AFG2A: variants seen among roughly 807,000 people sequenced by gnomAD.
AFG2A encodes AAA ATPase AFG2A, also known as ATPase family gene 2 protein homolog A.
At chr4:123,075,976 CA>C in the AFG2A span, among the ~76,000 whole-genome samples, 88,672 of 134,922 alleles carry the variant, frequency 0.66, 27,259 homozygotes, top group Non-Finnish European at 0.69. Context: ...ACAACAACAA[CA>C]AAAAAAAAAA....
the AFG2A span, among the ~76,000 whole-genome samples, chr4:122,931,446 C>T: frequency 0.77 from 117,349 of 151,894 alleles, 48,110 homozygotes; most frequent in East Asian, 0.96. Context: ...GAGGGAAATA[C>T]GTATGTGTGT....
At chr4:123,157,206 T>TAG in the AFG2A span, among the ~76,000 whole-genome samples, 2 of 151,602 alleles carry the variant, frequency 1.3e-5, no homozygotes, top group African/African-American at 4.8e-5. Context: ...TTTTTTTAAG[T>TAG]AGAGACAGGG....
At chr4:123,297,517 C>T in the AFG2A span, among the ~76,000 whole-genome samples, 2 of 152,024 alleles carry the variant, frequency 1.3e-5, no homozygotes, top group East Asian at 1.9e-4. Context: ...GTCAGGAGAT[C>T]GAGACCATCC....
chr4:123,243,328 T>C, the AFG2A span, among the ~76,000 whole-genome samples: 1 of 152,102 alleles, frequency 6.6e-6, no homozygotes, highest in Non-Finnish European at 1.5e-5. Context: ...TTCACGATAG[T>C]AAAGACTTGG....
chr4:123,038,803 A>AT, the AFG2A span, among the ~76,000 whole-genome samples: 1 of 151,842 alleles, frequency 6.6e-6, no homozygotes, highest in Non-Finnish European at 1.5e-5. Flanking sequence ...AAATGTCTTA[A>AT]TTTTTTTTCT....
chr4:123,071,412 G>A, the AFG2A span, among the ~76,000 whole-genome samples: 12 of 152,062 alleles, frequency 7.9e-5, no homozygotes, highest in Middle Eastern at 3.4e-3. Context: ...CCCAGGAGGC[G>A]GAGGTTGCGA....
chr4:123,115,221 G>A, the AFG2A span, among the ~76,000 whole-genome samples: 1 of 151,930 alleles, frequency 6.6e-6, no homozygotes, highest in Admixed American at 6.5e-5. Flanking sequence ...GCTCCTCCTC[G>A]CACAGCTTGA....
At chr4:123,221,793 G>A in the AFG2A span, among the ~76,000 whole-genome samples, 2 of 151,950 alleles carry the variant, frequency 1.3e-5, no homozygotes, top group Admixed American at 6.5e-5. Flanking sequence ...CAGGCATAGT[G>A]GCACGTGCTT....
At chr4:123,084,476 T>C in the AFG2A span, among the ~76,000 whole-genome samples, 2 of 151,786 alleles carry the variant, frequency 1.3e-5, no homozygotes, top group Non-Finnish European at 2.9e-5. Flanking sequence ...CAAATTTTGA[T>C]AAGTTCTATT....
At chr4:123,141,522 G>A in the AFG2A span, among the ~76,000 whole-genome samples, 3 of 152,158 alleles carry the variant, frequency 2.0e-5, no homozygotes, top group Non-Finnish European at 4.4e-5. Flanking sequence ...GTACTGTGTT[G>A]CCAGATTTGT....
At chr4:123,256,158 C>T in the AFG2A span, 5 of 1,613,978 alleles carry the variant, frequency 3.1e-6, no homozygotes, top group African/African-American at 6.7e-5. Flanking sequence ...ATCCTTCAAA[C>T]CGACGCATAC....
chr4:123,225,324 T>C, the AFG2A span, among the ~76,000 whole-genome samples: 1 of 152,232 alleles, frequency 6.6e-6, no homozygotes, highest in African/African-American at 2.4e-5. Context: ...GGTTTTCCTC[T>C]AGGGTTTTTA....
chr4:123,131,571 G>A, the AFG2A span, among the ~76,000 whole-genome samples: 1 of 152,022 alleles, frequency 6.6e-6, no homozygotes, highest in African/African-American at 2.4e-5. Context: ...TCATATAAGT[G>A]GAATTGTGCA....
the AFG2A span, among the ~76,000 whole-genome samples, chr4:122,925,302 C>T: frequency 6.6e-6 from 1 of 152,168 alleles, no homozygotes; most frequent in Admixed American, 6.5e-5. Context: ...ACTGATTTTC[C>T]AGCTTCCAAT....
At chr4:123,171,754 A>G in the AFG2A span, among the ~76,000 whole-genome samples, 3 of 152,162 alleles carry the variant, frequency 2.0e-5, no homozygotes, top group African/African-American at 2.4e-5. Flanking sequence ...GGGTTTTGCA[A>G]TACTAACTTG....
chr4:122,966,557 A>G, the AFG2A span, among the ~76,000 whole-genome samples: 3 of 152,000 alleles, frequency 2.0e-5, no homozygotes, highest in Admixed American at 6.6e-5. Context: ...CCCAATTCCT[A>G]TTTTATCAGG....
At chr4:123,041,934 A>C in the AFG2A span, among the ~76,000 whole-genome samples, 1 of 152,168 alleles carries the variant, frequency 6.6e-6, no homozygotes, top group Non-Finnish European at 1.5e-5. Flanking sequence ...TGTTTATGCT[A>C]TTAGGTATCT....
chr4:123,056,945 AT>A, the AFG2A span, among the ~76,000 whole-genome samples: 1 of 152,160 alleles, frequency 6.6e-6, no homozygotes, highest in Non-Finnish European at 1.5e-5. Flanking sequence ...TTTAACTGAA[AT>A]TTTCTGATTG....
the AFG2A span, among the ~76,000 whole-genome samples, chr4:123,208,506 T>C: frequency 6.6e-6 from 1 of 152,224 alleles, no homozygotes; most frequent in Non-Finnish European, 1.5e-5. Flanking sequence ...TAGACCCATG[T>C]AAGCAGACTA....
Sources: gnomAD v4.1 joint callset for allele counts (sites outside exome capture counted in the v4.1 genomes callset) on GRCh38, gnomAD v4.1.1 for gene constraint, MANE v1.5 for transcripts, NCBI Gene and HGNC (gene_info 2026-07-23, HGNC 2026-07-21) for gene names.